The following SLC22A6 variants were observed in gnomAD, a reference collection of about 807,000 sequenced individuals.
The protein encoded by SLC22A6 is PAH transporter.
SLC22A6 carries 45 observed loss-of-function variants against 56.7 expected under a neutral mutation model. The ratio of observed to expected loss-of-function variants is 0.79; its 90% confidence interval spans 0.63 to 1.02. SLC22A6 has a LOEUF of 1.02. SLC22A6 is among the 50% of genes least tolerant of loss of function. The pLI is 0.00. For synonymous variants in SLC22A6, 291 were observed against 295.9 expected (o/e 0.98, Z 0.17); for missense variants, 606 against 713.8 (o/e 0.85, Z 1.72).
Position 62,981,308 on chromosome 11 carries a change from G to A in SLC22A6, c.873C>T (p.Val291=), listed in dbSNP as rs138717295. The change falls in exon 5 of 10, where the codon GTC becomes GTT. Residue 291 remains valine (V), a synonymous_variant. Transcript: ENST00000360421. ...LDLTLRALQR[V]ARINGKREEG... is the part of the protein sequence containing the mutation. ...CTTCCCGCTTCCCATTGATCCGGGCGACTCTCTGCAGGGCCCTCAGGGTGA... is the reference window on the plus strand; with the variant it reads ...CTTCCCGCTTCCCATTGATCCGGGCAACTCTCTGCAGGGCCCTCAGGGTGA... 6.0e-5 allele frequency: 97 copies of A among 1,606,086 alleles called. No individual in the cohort carries two copies. The highest frequency in any genetic ancestry group is 3.6e-4 in the African/African-American group (27 of 74,728).
intron 1 of SLC22A6, 102 bp from the exon 2 acceptor site, chr11:62,984,149 C>T: frequency 8.4e-7 from 1 of 1,186,124 alleles, no homozygotes; most frequent in East Asian, 2.6e-5. Flanking sequence ...CACCCTCTTC[C>T]TCCGGCACTT....
intron 1 of SLC22A6, 63 bp from the exon 2 acceptor site, chr11:62,984,110 C>T (rs538868236): frequency 7.7e-6 from 10 of 1,296,788 alleles, no homozygotes; most frequent in Middle Eastern, 1.9e-4. Context: ...CCCCTTCCCC[C>T]ACTTCAGCTG....
In SLC22A6 at chr11:62,984,473, C is replaced by T; in HGVS notation, c.218G>A (p.Gly73Glu). 1 of 1,613,926 alleles carries T rather than the reference C, an allele frequency of 6.2e-7. No homozygotes were observed. Reference protein sequence around the residue: ...LEVWLPRDRQGQPESCLRFTS... With the variant: ...LEVWLPRDRQEQPESCLRFTS... Reference sequence around the variant, plus strand: ...GAAGCGGAGGCAGGACTCAGGCTGCCCCTGCCTGTCCCGGGGCAGCCAGAC... The same window carrying T: ...GAAGCGGAGGCAGGACTCAGGCTGCTCCTGCCTGTCCCGGGGCAGCCAGAC... The change falls in exon 1 of 10, where the codon GGG (glycine) becomes GAG (glutamate). Residue 73 changes from glycine (G) to glutamate (E), a missense_variant. By Grantham distance (98) the Gly-to-Glu change is moderately conservative. Coordinates refer to ENST00000360421, the MANE Select transcript of SLC22A6 (RefSeq NM_153276.3).
At chr11:62,978,590 C>CTTTTT (rs1230405831) in intron 8 of SLC22A6, among the ~76,000 whole-genome samples, 1 of 102,608 alleles carries the variant, frequency 9.7e-6, no homozygotes. Flanking sequence ...GTCTTGATCT[C>CTTTTT]TTTTTTTTTT....
intron 8 of SLC22A6, among the ~76,000 whole-genome samples, chr11:62,978,928 C>G (rs1396397005): frequency 2.6e-5 from 4 of 152,136 alleles, no homozygotes; most frequent in African/African-American, 9.7e-5. Flanking sequence ...CCTGCCTTGG[C>G]CTCCCAAGGT....
At chr11:62,980,118 G>C (rs796453470) in intron 6 of SLC22A6, among the ~76,000 whole-genome samples, 170 bp from the exon 7 acceptor site, 112 of 152,306 alleles carry the variant, frequency 7.4e-4, no homozygotes, top group African/African-American at 2.6e-3. Flanking sequence ...TTTAAGTATT[G>C]AGGTAGTCCT....
rs945716192 is a variant in SLC22A6 at position 62,976,633 on chromosome 11, G to T, written c.*161C>A. The T allele has an allele frequency of 9.6e-5, 56 of 582,182 alleles. 1 individual carries two copies. In the Admixed American group the frequency reaches 1.3e-3, roughly 13 times the overall value. The allele number at this position is 582,182 out of a possible 1,614,324, so 36.1% of individuals were successfully genotyped here. A position where few individuals can be genotyped will look rare whatever the true frequency, so the allele number is the denominator to read the frequency against. ...CAAACCTTTTAATGATGTGGTTCTG[G>T]TGGGGTTTATAAAGGGAGGTGGACC... On this transcript the variant is annotated 3_prime_UTR_variant, in exon 10 of 10. Transcript: ENST00000360421.
At position 62,977,292 on chromosome 11, in the gene SLC22A6, G is replaced by A; in HGVS notation, c.1457C>T (p.Pro486Leu). 6.2e-7 allele frequency: 1 copy of A among 1,614,074 alleles called. No homozygotes were observed. Among genetic ancestry groups the A allele is most frequent in the Non-Finnish European group, 8.5e-7 (1 of 1,180,040 alleles). Reference protein sequence around the residue: ...SMTAELYPSMPLFIYGAVPVA... With the variant: ...SMTAELYPSMLLFIYGAVPVA... Reference sequence around the variant, plus strand: ...AGGAACAGCACCGTAGATGAAGAGAGGCATGGAGGGGTAGAGCTCGGCAGT... The same window carrying A: ...AGGAACAGCACCGTAGATGAAGAGAAGCATGGAGGGGTAGAGCTCGGCAGT... The change falls in exon 9 of 10, where the codon CCT becomes CTT. Residue 486 changes from proline (P) to leucine (L), a missense_variant. Pro to Leu is a moderately conservative substitution (Grantham distance 98, BLOSUM62 -3). Transcript: ENST00000360421.
At chr11:62,977,006 A>G (rs2086196769) in intron 9 of SLC22A6, 125 bp from the exon 10 acceptor site, 2 of 1,494,640 alleles carry the variant, frequency 1.3e-6, no homozygotes, top group Non-Finnish European at 1.8e-6. Context: ...CCAAATACCT[A>G]CTGCTCCCTG....
chr11:62,977,492 T>TCCCGGTA, intron 8 of SLC22A6, 105 bp from the exon 9 acceptor site: 3 of 1,260,246 alleles, frequency 2.4e-6, no homozygotes, highest in Non-Finnish European at 3.2e-6. Context: ...CCCAGGACAC[T>TCCCGGTA]CCCGGTACCT....
chr11:62,981,276 G>T lies in SLC22A6; in HGVS notation c.905C>A (p.Ala302Asp), dbSNP rs914594900. 6.2e-7 allele frequency: 1 copy of T among 1,609,406 alleles called. No individual in the cohort carries two copies. The highest frequency in any genetic ancestry group is 1.3e-5 in the African/African-American group (1 of 74,818). The change falls in exon 5 of 10, where the codon GCC becomes GAC. Residue 302 changes from alanine (A) to aspartate (D), a missense_variant. Physicochemically the swap from Ala to Asp is moderately radical, Grantham distance 126 (BLOSUM62 -2). Coordinates refer to ENST00000360421, the MANE Select transcript of SLC22A6 (RefSeq NM_153276.3). ...ARINGKREEG[A>D]KLSMEVLRAS... is the part of the protein sequence containing the mutation. ...GGATCTCACCTCCATACTCAATTTG[G>T]CTCCTTCTTCCCGCTTCCCATTGAT... is the stretch of plus-strand genomic sequence containing the variant.
chr11:62,978,309 GTTTATTTTATTTTATTTTATTTTAT>G (rs57569773), intron 8 of SLC22A6, among the ~76,000 whole-genome samples: 2 of 133,234 alleles, frequency 1.5e-5, no homozygotes, highest in Admixed American at 7.6e-5. Flanking sequence ...TCCCATTCTT[GTTTATTTTATTTTATTTTATTTTAT>G]TTTATTTTAT....
intron 3 of SLC22A6, among the ~76,000 whole-genome samples, chr11:62,982,564 C>T (rs2086268035): frequency 6.6e-6 from 1 of 152,204 alleles, no homozygotes; most frequent in Non-Finnish European, 1.5e-5. Context: ...GTGTCTTGCC[C>T]AGGCTCTAGC....
At chr11:62,977,528 A>C in intron 8 of SLC22A6, 141 bp from the exon 9 acceptor site, 1 of 1,028,090 alleles carries the variant, frequency 9.7e-7, no homozygotes, top group Non-Finnish European at 1.4e-6. Context: ...TGATTAGCAA[A>C]CCAATTTGGC....
Position 62,977,274 on chromosome 11 carries a change from G to A in SLC22A6, c.1475C>T (p.Ala492Val). ...GACAGCGCTGGCGGCCACAGGAACA[G>A]CACCGTAGATGAAGAGAGGCATGGA... Reference protein sequence around the residue: ...YPSMPLFIYGAVPVAASAVTV... With the variant: ...YPSMPLFIYGVVPVAASAVTV... The change falls in exon 9 of 10, where the codon GCT (alanine) becomes GTT (valine). Residue 492 changes from alanine (A) to valine (V), a missense_variant. Physicochemically the swap from Ala to Val is moderately conservative, Grantham distance 64 (BLOSUM62 0). Coordinates refer to ENST00000360421, the MANE Select transcript of SLC22A6 (RefSeq NM_153276.3). The A allele has an allele frequency of 6.2e-7, 1 of 1,614,156 alleles. No homozygotes were observed. Among genetic ancestry groups the A allele is most frequent in the Non-Finnish European group, 8.5e-7 (1 of 1,180,050 alleles).
At position 62,979,874 on chromosome 11, in the gene SLC22A6, T is replaced by G; in HGVS notation, c.1112A>C (p.Gln371Pro). The change falls in exon 7 of 10, where the codon CAG becomes CCG. Residue 371 changes from glutamine (Q) to proline (P), a missense_variant. By Grantham distance (76) the Gln-to-Pro change is moderately conservative. Coordinates refer to ENST00000360421, the MANE Select transcript of SLC22A6 (RefSeq NM_153276.3). ...CAGGTCCACAGCACCAAAGATCACC[T>G]GGATTAGGTAGATGCTGACTCCAAA... Reference protein sequence around the residue: ...QGFGVSIYLIQVIFGAVDLPA... With the variant: ...QGFGVSIYLIPVIFGAVDLPA... 1 of 1,614,140 alleles carries G rather than the reference T, an allele frequency of 6.2e-7. No individual in the cohort carries two copies. Among genetic ancestry groups the G allele is most frequent in the South Asian group, 1.1e-5 (1 of 91,088 alleles).
chr11:62,982,541 T>C (rs750358211), intron 3 of SLC22A6, among the ~76,000 whole-genome samples: 1 of 152,098 alleles, frequency 6.6e-6, no homozygotes, highest in African/African-American at 2.4e-5. Context: ...GACTTGGGGG[T>C]TGGATTTCTT....
Position 62,983,755 on chromosome 11 carries a change from G to C in SLC22A6, c.474-64C>G. On this transcript the variant is annotated intron_variant, in intron 2 of 9. Transcript: ENST00000360421. This position sits in a 1 kb window ranked among gnomAD's most constrained non-coding sequence, Gnocchi z 4.5. ...ACTGATGGGGGTCAGGCTGAGCCAG[G>C]AGAGGAGGGCTCACCCTGGATGATG... 2.7e-6 allele frequency: 4 copies of C among 1,500,932 alleles called. No individual in the cohort carries two copies. Among genetic ancestry groups the C allele is most frequent in the Non-Finnish European group, 3.6e-6 (4 of 1,109,136 alleles). 93.0% of individuals were successfully genotyped at this position (1,500,932 alleles called of 1,614,324 possible).
At chr11:62,981,794 G>A in intron 4 of SLC22A6, 48 bp downstream of exon 4, 2 of 1,541,400 alleles carry the variant, frequency 1.3e-6, no homozygotes, top group African/African-American at 1.4e-5. Context: ...GTCCCTTGCA[G>A]CCTCTGGGCT....
Sources: allele counts gnomAD v4.1 joint callset (sites outside exome capture counted in the v4.1 genomes callset), GRCh38; gene constraint gnomAD v4.1.1; non-coding constraint Gnocchi (gnomAD v3.1); transcripts MANE v1.5; gene names NCBI Gene and HGNC (gene_info 2026-07-23, HGNC 2026-07-21).